Variants in SMCHD1 observed in about 807,000 individuals in gnomAD.
SMCHD1 encodes the protein structural maintenance of chromosomes flexible hinge domain containing 1, also known as structural maintenance of chromosomes flexible hinge domain-containing protein 1.
SMCHD1 carries 78 observed loss-of-function variants against 254.7 expected under a neutral mutation model. The observed-to-expected ratio is 0.31, with a 90% CI of 0.26 to 0.37. The LOEUF (loss-of-function observed/expected upper bound fraction) is 0.37. Ranked by LOEUF, SMCHD1 falls within the 10% of genes least tolerant of loss-of-function variation. The pLI, the probability that SMCHD1 is intolerant of heterozygous loss-of-function variation, is 1.00. For synonymous variants in SMCHD1, 766 were observed against 794.9 expected, an observed-to-expected ratio of 0.96 and a Z score of 0.61; for missense variants, 1,840 against 2,408.1, an observed-to-expected ratio of 0.76 and a Z score of 4.94.
chr18:2,669,322 TG>T (rs1324342923), intron 3 of SMCHD1, among the ~76,000 whole-genome samples: 2 of 152,140 alleles, frequency 1.3e-5, no homozygotes, highest in African/African-American at 4.8e-5. Flanking sequence ...CACTTCAGTC[TG>T]GGCAACAGAG....
Position 2,760,649 on chromosome 18 carries a change from T to C in SMCHD1, c.4347-3T>C. The C allele has an allele frequency of 6.7e-7, 1 of 1,484,358 alleles. No individual in the cohort carries two copies. The highest frequency in any genetic ancestry group is 9.4e-7 in the Non-Finnish European group (1 of 1,063,936). 91.9% of individuals were successfully genotyped at this position (1,484,358 alleles called of 1,614,324 possible). A position where few individuals can be genotyped will look rare whatever the true frequency, so the allele number is the denominator to read the frequency against. ...AGTAATCTTAACTTTCTTTTAAATT[T>C]AGGGATAAAGTAATTCCTAATAAAG... is the stretch of plus-strand genomic sequence containing the variant. On this transcript the variant is annotated splice_polypyrimidine_tract_variant and splice_region_variant and intron_variant, in intron 34 of 47. Coordinates refer to ENST00000320876, the MANE Select transcript of SMCHD1 (RefSeq NM_015295.3).
intron 45 of SMCHD1, among the ~76,000 whole-genome samples, chr18:2,791,491 CCGTGATTGAGCTACTACTGCAT>C: frequency 6.6e-6 from 1 of 152,244 alleles, no homozygotes; most frequent in Admixed American, 6.5e-5. Context: ...TTGCTGTGAG[CCGTGATTGAGCTACTACTGCAT>C]TCCAGCCTGG....
chr18:2,737,644 G>A (rs775537659), intron 25 of SMCHD1, among the ~76,000 whole-genome samples: 1 of 152,112 alleles, frequency 6.6e-6, no homozygotes, highest in Non-Finnish European at 1.5e-5. Flanking sequence ...CCCAGGAATT[G>A]GAGGCTCCAG....
Position 2,743,838 on chromosome 18 carries a change from T to G in SMCHD1, c.3711T>G (p.Thr1237=), listed in dbSNP as rs2075397734. The G allele has an allele frequency of 3.7e-6, 6 of 1,613,256 alleles. No individual in the cohort carries two copies. The highest frequency in any genetic ancestry group is 5.1e-6 in the Non-Finnish European group (6 of 1,179,620). ...CTGGAAATAAGGATCTTTGTTTTAC[T>G]TGGCGTGAGTTTTCTGACTTTATTC... ...GPPGNKDLCF[T]WREFSDFIRV... The change falls in exon 29 of 48, where the codon ACT becomes ACG. Residue 1237 remains threonine, a synonymous_variant. Coordinates refer to ENST00000320876, the MANE Select transcript of SMCHD1 (RefSeq NM_015295.3).
intron 7 of SMCHD1, chr18:2,692,003 A>T (rs1407275316): frequency 6.6e-6 from 1 of 152,392 alleles, no homozygotes. Context: ...AAAAAACTTC[A>T]GGAAATAGCC....
chr18:2,698,452 C>CT (rs1030839457), intron 10 of SMCHD1, among the ~76,000 whole-genome samples: 6 of 152,110 alleles, frequency 3.9e-5, no homozygotes, highest in South Asian at 4.1e-4. Flanking sequence ...AAATCTGTAG[C>CT]TTTTTTGTTT....
chr18:2,793,810 GCACA>G (rs1215866207), intron 45 of SMCHD1, among the ~76,000 whole-genome samples: 1 of 152,094 alleles, frequency 6.6e-6, no homozygotes, highest in Non-Finnish European at 1.5e-5. Flanking sequence ...ATGTTCACAA[GCACA>G]CACAGATGTG....
intron 34 of SMCHD1, among the ~76,000 whole-genome samples, chr18:2,755,862 C>T (rs1162000023): frequency 2.6e-5 from 4 of 152,078 alleles, no homozygotes; most frequent in African/African-American, 4.8e-5. Flanking sequence ...TCACCGCCCT[C>T]GGCCGTGTAT....
At chr18:2,711,299 A>G (rs898957960) in intron 17 of SMCHD1, among the ~76,000 whole-genome samples, 84 of 146,540 alleles carry the variant, frequency 5.7e-4, no homozygotes, top group African/African-American at 1.8e-3. Flanking sequence ...AGGGTCTCCT[A>G]TGCTGCCCAG....
chr18:2,711,586 C>T (rs1057021165), intron 17 of SMCHD1, among the ~76,000 whole-genome samples: 1 of 149,260 alleles, frequency 6.7e-6, no homozygotes, highest in South Asian at 2.1e-4. Context: ...GGGTTCACGC[C>T]ATTCTCCTGC....
In SMCHD1 at chr18:2,750,019, CATTTT is replaced by C; in HGVS notation, c.3928-23_3928-19del. 4.6e-6 allele frequency: 7 copies of C among 1,532,046 alleles called. No homozygotes were observed. The highest frequency in any genetic ancestry group is 1.2e-5 in the South Asian group (1 of 81,214). The allele number at this position is 1,532,046 out of a possible 1,614,324, so 94.9% of individuals were successfully genotyped here. Reference sequence around the variant, plus strand: ...TGATCTCTAGAATTTTCTAATTAACCATTTTGTTTTGTTTTGTTTTTAGCTCATGC... The same window carrying C: ...TGATCTCTAGAATTTTCTAATTAACCGTTTTGTTTTGTTTTTAGCTCATGC... On this transcript the variant is annotated intron_variant, in intron 30 of 47. Coordinates refer to ENST00000320876, the MANE Select transcript of SMCHD1 (RefSeq NM_015295.3).
chr18:2,713,235 T>G (rs2074720388), intron 17 of SMCHD1, among the ~76,000 whole-genome samples: 1 of 152,236 alleles, frequency 6.6e-6, no homozygotes. Flanking sequence ...ACCCTTTTTC[T>G]AGTACTTTGT....
At chr18:2,763,596 C>G (rs752832773) in intron 36 of SMCHD1, 41 bp from the exon 37 acceptor site, 1 of 1,458,638 alleles carries the variant, frequency 6.9e-7, no homozygotes, top group Non-Finnish European at 9.1e-7. Context: ...GTTTAATCTT[C>G]TCATCAGTTT....
intron 12 of SMCHD1, among the ~76,000 whole-genome samples, chr18:2,702,880 C>T (rs1003773537): frequency 1.3e-5 from 2 of 152,170 alleles, no homozygotes; most frequent in Non-Finnish European, 2.9e-5. Context: ...TGTAACTTTA[C>T]AGACTGTCCT....
rs1282259988 is a variant in SMCHD1, at chr18:2,804,656, TTTA to T, written c.*2106_*2108del. On this transcript the variant is annotated 3_prime_UTR_variant, in exon 48 of 48. Transcript: ENST00000320876. ...GTTTTTCTATATTTTCACAGTTGGA[TTTA>T]TCTAAGGATATTTCTCAGCATATTA... 1 of 152,330 alleles carries T rather than the reference TTTA, an allele frequency of 6.6e-6. No individual in the cohort carries two copies. Among genetic ancestry groups the T allele is most frequent in the Middle Eastern group, 3.4e-3 (1 of 294 alleles). The allele number at this position is 152,330 out of a possible 1,614,324, so 9.4% of individuals were successfully genotyped here.
intron 20 of SMCHD1, among the ~76,000 whole-genome samples, chr18:2,723,299 A>T (rs1885640771): frequency 6.6e-6 from 1 of 152,030 alleles, no homozygotes; most frequent in African/African-American, 2.4e-5. Flanking sequence ...ACCTCTACAG[A>T]TACTCTGTTG....
intron 41 of SMCHD1, among the ~76,000 whole-genome samples, chr18:2,772,793 G>A (rs147051273): frequency 1.4e-3 from 211 of 152,328 alleles, no homozygotes; most frequent in African/African-American, 4.8e-3. Flanking sequence ...ACCATGCCCA[G>A]CTGAAACTGA....
Position 2,665,796 on chromosome 18 carries a change from A to G in SMCHD1, c.187-361A>G, listed in dbSNP as rs144929745. Among the ~76,000 whole-genome samples, 1,343 of 152,296 alleles carry G rather than the reference A, an allele frequency of 8.8e-3. 11 individuals carry two copies. Among genetic ancestry groups the G allele is most frequent in the Middle Eastern group, 0.02 (6 of 294 alleles). ...AGTCTATATGAACATGAGTTATGTTAAAGCTTTGTTCCAAATAAGTTGATA... is the reference window on the plus strand; with the variant it reads ...AGTCTATATGAACATGAGTTATGTTGAAGCTTTGTTCCAAATAAGTTGATA... On this transcript the variant is annotated intron_variant, in intron 1 of 47. Transcript: ENST00000320876.
chr18:2,710,292 T>C (rs908839485), intron 17 of SMCHD1, among the ~76,000 whole-genome samples: 5 of 152,224 alleles, frequency 3.3e-5, no homozygotes, highest in Non-Finnish European at 5.9e-5. Context: ...TTGTTTACTG[T>C]AGCTTTGTAA....
Sources: allele counts gnomAD v4.1 joint callset (sites outside exome capture counted in the v4.1 genomes callset), GRCh38; gene constraint gnomAD v4.1.1; transcripts MANE v1.5; gene names NCBI Gene and HGNC (gene_info 2026-07-23, HGNC 2026-07-21).